The following CDK14 variants were observed in gnomAD, a reference collection of about 807,000 sequenced individuals.
CDK14 encodes the protein cyclin dependent kinase 14.
Under a neutral mutation model 60.7 loss-of-function variants are expected in CDK14, and 34 were observed. The ratio of observed to expected loss-of-function variants is 0.56; its 90% CI spans 0.43 to 0.75. CDK14 has a LOEUF of 0.75. CDK14 is among the 30% of genes least tolerant of loss of function. The pLI is 0.00. For synonymous variants in CDK14, 197 were observed against 203.7 expected (o/e 0.97, Z 0.28); for missense variants, 482 against 564.1 (o/e 0.85, Z 1.47).
chr7:91,156,634 C>A (rs1343312794), intron 14 of CDK14, among the ~76,000 whole-genome samples: 2 of 152,070 alleles, frequency 1.3e-5, no homozygotes, highest in African/African-American at 4.8e-5. Flanking sequence ...GAAGTCATTG[C>A]CATCGTTTAT....
At chr7:90,761,345 A>T (rs1395820148) in intron 4 of CDK14, among the ~76,000 whole-genome samples, 12 of 140,654 alleles carry the variant, frequency 8.5e-5, no homozygotes, top group African/African-American at 1.0e-4. Context: ...TTTTTTTTTT[A>T]AAGAGTTAGT....
intron 11 of CDK14, among the ~76,000 whole-genome samples, chr7:91,050,491 T>C (rs1797359663): frequency 6.6e-6 from 1 of 152,188 alleles, no homozygotes; most frequent in Non-Finnish European, 1.5e-5. Context: ...AGTTAAAAAC[T>C]GAACTTTATT....
At position 91,207,361 on chromosome 7, in the gene CDK14, A is replaced by G. The variant is rs1416170615; in HGVS notation, c.*225A>G. 1 of 152,382 alleles carries G rather than the reference A, an allele frequency of 6.6e-6. No individual in the cohort carries two copies. Among genetic ancestry groups the G allele is most frequent in the Non-Finnish European group, 1.5e-5 (1 of 68,044 alleles). 9.4% of individuals were successfully genotyped at this position (152,382 alleles called of 1,614,324 possible). ...GCATTTGGATACCTTGTGATTTCCA[A>G]GAACTACGTGAAGATTAAGCTTTGC... On this transcript the variant is annotated 3_prime_UTR_variant, in exon 15 of 15. Coordinates refer to ENST00000380050, the MANE Select transcript of CDK14 (RefSeq NM_001287135.2).
At chr7:90,709,670 T>G in intron 2 of CDK14, 1 of 1,583,346 alleles carries the variant, frequency 6.3e-7, no homozygotes, top group Non-Finnish European at 8.6e-7. Flanking sequence ...ATTGAGCTGT[T>G]AAAGCTATTG....
intron 2 of CDK14, among the ~76,000 whole-genome samples, chr7:90,610,570 T>C (rs918631922): frequency 6.6e-6 from 1 of 152,208 alleles, no homozygotes; most frequent in African/African-American, 2.4e-5. Context: ...ATTTTTATTG[T>C]CTCACAGTTC....
intron 14 of CDK14, among the ~76,000 whole-genome samples, chr7:91,176,371 T>C (rs1036961449): frequency 6.6e-6 from 1 of 151,980 alleles, no homozygotes; most frequent in Non-Finnish European, 1.5e-5. Flanking sequence ...AGATCCAAAA[T>C]TGACACCCTA....
At chr7:91,146,579 T>C (rs1347698003) in intron 14 of CDK14, among the ~76,000 whole-genome samples, 3 of 152,214 alleles carry the variant, frequency 2.0e-5, no homozygotes, top group East Asian at 1.9e-4. Context: ...AGGATTACAG[T>C]TAAGCATACA....
chr7:90,971,169 C>T (rs2017430), intron 9 of CDK14, among the ~76,000 whole-genome samples: 10,519 of 129,590 alleles, frequency 0.081, 449 homozygotes, highest in East Asian at 0.2. Flanking sequence ...TTTTTTTTGT[C>T]TCGTTTTAAA....
At chr7:91,010,873 CTT>C (rs1796141095) in intron 10 of CDK14, among the ~76,000 whole-genome samples, 1 of 112,938 alleles carries the variant, frequency 8.9e-6, no homozygotes, top group African/African-American at 3.3e-5. Flanking sequence ...CCCTCTCTCT[CTT>C]TCTTTTTTTT....
At chr7:90,628,346 T>G (rs1799920432) in intron 2 of CDK14, among the ~76,000 whole-genome samples, 1 of 152,210 alleles carries the variant, frequency 6.6e-6, no homozygotes, top group Non-Finnish European at 1.5e-5. Context: ...GCTTTCTGTT[T>G]CATTTTTCAC....
chr7:90,942,244 C>G (rs562591812), intron 8 of CDK14, among the ~76,000 whole-genome samples: 81 of 152,084 alleles, frequency 5.3e-4, no homozygotes, highest in Non-Finnish European at 1.0e-3. Flanking sequence ...GCCCTACAAC[C>G]CCAAGGCTTG....
chr7:90,866,440 A>G (rs1791192456), intron 6 of CDK14, among the ~76,000 whole-genome samples: 1 of 151,946 alleles, frequency 6.6e-6, no homozygotes, highest in Non-Finnish European at 1.5e-5. Flanking sequence ...TTTTTGAGGG[A>G]GATACCATTG....
intron 1 of CDK14, among the ~76,000 whole-genome samples, chr7:90,598,655 A>G (rs1006282167): frequency 2.1e-5 from 3 of 141,480 alleles, no homozygotes; most frequent in Non-Finnish European, 3.1e-5. Context: ...GATGTTTTAT[A>G]TTGTATTTGC....
Position 90,596,500 on chromosome 7 carries a change from C to T in CDK14, c.-128C>T. ...TGCTCGCCTCCCTAGACCTGCGCGT[C>T]GCTTCCCGGCCCGCCGAGGAGGTGG... On this transcript the variant is annotated 5_prime_UTR_variant, in exon 1 of 15. Coordinates refer to ENST00000380050, the MANE Select transcript of CDK14 (RefSeq NM_001287135.2). The T allele has an allele frequency of 2.8e-6, 2 of 715,658 alleles. No individual in the cohort carries two copies. The highest frequency in any genetic ancestry group is 4.8e-6 in the Non-Finnish European group (2 of 418,972). 44.3% of individuals were successfully genotyped at this position (715,658 alleles called of 1,614,324 possible).
chr7:90,979,976 T>G (rs1296566215), intron 9 of CDK14, among the ~76,000 whole-genome samples: 6 of 152,154 alleles, frequency 3.9e-5, no homozygotes, highest in African/African-American at 1.4e-4. Flanking sequence ...TAGTTATAAT[T>G]TTATAATCTT....
At chr7:91,112,866 G>A (rs1799509574) in intron 13 of CDK14, among the ~76,000 whole-genome samples, 185 bp downstream of exon 13, 1 of 151,894 alleles carries the variant, frequency 6.6e-6, no homozygotes, top group South Asian at 2.1e-4. Flanking sequence ...GAGAGAGAGA[G>A]AGAGAGAGAG....
intron 3 of CDK14, among the ~76,000 whole-genome samples, chr7:90,736,691 A>G (rs1223101378): frequency 6.6e-6 from 1 of 152,186 alleles, no homozygotes; most frequent in Non-Finnish European, 1.5e-5. Flanking sequence ...CTCCAAGAGT[A>G]GAGCTGAAAA....
intron 12 of CDK14, among the ~76,000 whole-genome samples, chr7:91,104,527 G>A (rs973920406): frequency 1.3e-5 from 2 of 152,052 alleles, no homozygotes; most frequent in African/African-American, 2.4e-5. Flanking sequence ...CTCTCACATG[G>A]CCCAATGTTC....
At chr7:90,886,373 C>G (rs1791946642) in intron 6 of CDK14, among the ~76,000 whole-genome samples, 1 of 151,968 alleles carries the variant, frequency 6.6e-6, no homozygotes, top group Non-Finnish European at 1.5e-5. Flanking sequence ...GATATTTTAC[C>G]CAAAATTCTC....
Sources: allele counts gnomAD v4.1 joint callset (sites outside exome capture counted in the v4.1 genomes callset), GRCh38; gene constraint gnomAD v4.1.1; transcripts MANE v1.5; gene names NCBI Gene and HGNC (gene_info 2026-07-23, HGNC 2026-07-21).